The following CEP85L variants were observed in gnomAD, a reference collection of about 807,000 sequenced individuals.
CEP85L encodes the protein centrosomal protein 85L, also known as centrosomal protein of 85 kDa-like.
In CEP85L, 60 loss-of-function variants were observed where a neutral mutation model predicts 100.3. That is an observed-to-expected ratio of 0.60 (90% confidence interval 0.49 to 0.74). The LOEUF (loss-of-function observed/expected upper bound fraction) is 0.74. Among genes scored for constraint, CEP85L ranks in the 30% least tolerant of loss-of-function variants. The probability of loss-of-function intolerance (pLI) is 0.00; values close to 1 mark genes in which losing one functional copy is unlikely to be tolerated. For synonymous variants in CEP85L, 319 were observed against 322.7 expected (o/e 0.99, Z 0.12); for missense variants, 973 against 936.2 (o/e 1.04, Z -0.51).
At chr6:118,646,972 A>G in intron 1 of CEP85L, 1 of 985,356 alleles carries the variant, frequency 1.0e-6, no homozygotes, top group Non-Finnish European at 1.2e-6. Context: ...TCAAATTCCA[A>G]TTATTAATCA....
chr6:118,483,695 T>G lies in CEP85L; in HGVS notation c.1590+11A>C. 6.3e-7 allele frequency: 1 copy of G among 1,596,296 alleles called. No homozygotes were observed. The stretch of plus-strand genomic sequence containing the variant: ...ATGTCATTTAAAGATAAGCATTTTA[T>G]TTCATGTTACCTGTAGACTCTGACT... On this transcript the variant is annotated intron_variant, in intron 7 of 12. Coordinates refer to ENST00000368491, the MANE Select transcript of CEP85L (RefSeq NM_001042475.3).
chr6:118,610,681 TACAAGACCCAAA>T, intron 2 of CEP85L, among the ~76,000 whole-genome samples: 1 of 151,664 alleles, frequency 6.6e-6, no homozygotes, highest in Admixed American at 6.6e-5. Context: ...AACTTTCAAC[TACAAGACCCAAA>T]GAAATCCACC....
chr6:118,510,791 C>A (rs1203077440), intron 5 of CEP85L, among the ~76,000 whole-genome samples: 1 of 151,910 alleles, frequency 6.6e-6, no homozygotes, highest in Non-Finnish European at 1.5e-5. Context: ...TTACAATAAC[C>A]CTAAACTGAA....
chr6:118,540,033 T>C (rs1777819581), intron 3 of CEP85L, among the ~76,000 whole-genome samples: 1 of 151,880 alleles, frequency 6.6e-6, no homozygotes, highest in Non-Finnish European at 1.5e-5. Context: ...AGGAACAAGT[T>C]GATTGCTGAT....
At chr6:118,662,445 G>T (rs558843146) in intron 1 of CEP85L, among the ~76,000 whole-genome samples, 4 of 151,714 alleles carry the variant, frequency 2.6e-5, no homozygotes, top group Admixed American at 1.3e-4. Context: ...CAGGAGAATC[G>T]CTTGAACCCA....
intron 1 of CEP85L, among the ~76,000 whole-genome samples, chr6:118,702,124 A>C (rs2452262): frequency 0.64 from 97,047 of 151,838 alleles, 31,773 homozygotes; most frequent in Non-Finnish European, 0.71. Flanking sequence ...CTTTTACTTT[A>C]TGGTGGAAAT....
chr6:118,542,492 AG>A (rs1251701671), intron 3 of CEP85L, among the ~76,000 whole-genome samples: 1 of 152,198 alleles, frequency 6.6e-6, no homozygotes, highest in Non-Finnish European at 1.5e-5. Context: ...TTTTCAAGCT[AG>A]TTTAGTATAA....
upstream of CEP85L, chr6:118,652,532 C>T (rs1407534242): frequency 1.4e-6 from 2 of 1,397,904 alleles, no homozygotes; most frequent in Non-Finnish European, 1.9e-6. Context: ...TAAGTCGGAA[C>T]GCAGGTCGCT....
At chr6:118,512,144 G>A (rs1426592495) in intron 4 of CEP85L, among the ~76,000 whole-genome samples, 3 of 152,092 alleles carry the variant, frequency 2.0e-5, no homozygotes, top group African/African-American at 7.2e-5. Context: ...TAACTAATGA[G>A]GTGGGCCCTA....
intron 3 of CEP85L, among the ~76,000 whole-genome samples, chr6:118,546,809 T>C (rs990569017): frequency 1.3e-5 from 2 of 152,106 alleles, no homozygotes; most frequent in African/African-American, 4.8e-5. Context: ...GAAAGAAAAA[T>C]GGTTGTAGCA....
upstream of CEP85L, among the ~76,000 whole-genome samples, chr6:118,656,289 G>A (rs1775784898): frequency 6.6e-6 from 1 of 152,232 alleles, no homozygotes; most frequent in Non-Finnish European, 1.5e-5. Flanking sequence ...ACTGGGTGTA[G>A]CCTATCTGGA....
At chr6:118,626,585 C>T (rs751792976) in intron 2 of CEP85L, among the ~76,000 whole-genome samples, 2 of 152,188 alleles carry the variant, frequency 1.3e-5, no homozygotes, top group Non-Finnish European at 2.9e-5. Context: ...TCCCGCCTCA[C>T]GTATCTCCCG....
chr6:118,488,814 ATGACC>A (rs1774361498), intron 6 of CEP85L, among the ~76,000 whole-genome samples: 1 of 152,222 alleles, frequency 6.6e-6, no homozygotes. Context: ...CACAAGAAAA[ATGACC>A]TGTCACATGC....
chr6:118,663,126 T>G (rs1429811800), intron 1 of CEP85L, among the ~76,000 whole-genome samples: 1 of 152,162 alleles, frequency 6.6e-6, no homozygotes, highest in African/African-American at 2.4e-5. Context: ...ATAATTTTGG[T>G]GAAGGTTTGG....
chr6:118,619,848 G>T lies in CEP85L; in HGVS notation c.232+12605C>A, dbSNP rs1474830061. Among the ~76,000 whole-genome samples the T allele has an allele frequency of 1.3e-5, 2 of 152,104 alleles. 1 individual carries two copies. Among genetic ancestry groups the T allele is most frequent in the South Asian group, 4.1e-4 (2 of 4,820 alleles). ...CTACTGAAAAGGAGGGAGCTTTAGCGGCAGCCCAGCAATTTAGGGATTTAT... is the reference window on the plus strand; with the variant it reads ...CTACTGAAAAGGAGGGAGCTTTAGCTGCAGCCCAGCAATTTAGGGATTTAT... On this transcript the variant is annotated intron_variant, in intron 2 of 12. Coordinates refer to ENST00000368491, the MANE Select transcript of CEP85L (RefSeq NM_001042475.3).
intron 2 of CEP85L, among the ~76,000 whole-genome samples, chr6:118,612,821 T>C (rs1326456130): frequency 7.3e-5 from 11 of 150,690 alleles, no homozygotes; most frequent in Admixed American, 7.3e-4. Flanking sequence ...AGAAAACAAA[T>C]GAGAAAATTA....
At chr6:118,589,427 G>A (rs1026545298) in intron 2 of CEP85L, 3 of 262,190 alleles carry the variant, frequency 1.1e-5, no homozygotes, top group African/African-American at 6.9e-5. Context: ...AGCAGAGGAA[G>A]GAAATGATTT....
intron 6 of CEP85L, among the ~76,000 whole-genome samples, chr6:118,488,012 A>C (rs1353371109): frequency 6.6e-6 from 1 of 152,122 alleles, no homozygotes; most frequent in Admixed American, 6.5e-5. Flanking sequence ...GAACAAAAAA[A>C]AAAATTAGTT....
intron 5 of CEP85L, among the ~76,000 whole-genome samples, chr6:118,497,393 C>A (rs1056314669): frequency 2.0e-5 from 3 of 152,150 alleles, no homozygotes; most frequent in Admixed American, 6.5e-5. Context: ...TCACTGACTC[C>A]CAACACTCCC....
Sources: allele counts gnomAD v4.1 joint callset (sites outside exome capture counted in the v4.1 genomes callset), GRCh38; gene constraint gnomAD v4.1.1; transcripts MANE v1.5; gene names NCBI Gene and HGNC (gene_info 2026-07-23, HGNC 2026-07-21).